CAMK4: variants seen among roughly 807,000 people sequenced by gnomAD.
CAMK4 encodes the protein calcium/calmodulin dependent protein kinase IV.
A neutral mutation model predicts 44.9 loss-of-function variants in CAMK4; 22 were observed. The observed-to-expected ratio is 0.49, with a 90% confidence interval of 0.35 to 0.70. The LOEUF (loss-of-function observed/expected upper bound fraction) is 0.70. CAMK4 is among the 30% of genes least tolerant of loss of function. The pLI, the probability that CAMK4 is intolerant of heterozygous loss-of-function variation, is 0.01. For synonymous variants in CAMK4, 218 were observed against 215.4 expected, an observed-to-expected ratio of 1.01 and a Z score of -0.11; for missense variants, 498 against 586.8, an observed-to-expected ratio of 0.85 and a Z score of 1.56.
At chr5:111,329,773 C>T (rs1749075561) in intron 1 of CAMK4, among the ~76,000 whole-genome samples, 1 of 151,618 alleles carries the variant, frequency 6.6e-6, no homozygotes, top group Non-Finnish European at 1.5e-5. Context: ...TGACAACATT[C>T]ACTGTCCATT....
intron 2 of CAMK4, among the ~76,000 whole-genome samples, chr5:111,354,728 T>G (rs1750262096): frequency 6.6e-6 from 1 of 151,968 alleles, no homozygotes; most frequent in Non-Finnish European, 1.5e-5. Flanking sequence ...AATTACAAAA[T>G]AAATAAGACT....
intron 5 of CAMK4, among the ~76,000 whole-genome samples, chr5:111,440,556 T>C (rs1173870435): frequency 1.3e-5 from 2 of 152,286 alleles, no homozygotes; most frequent in Non-Finnish European, 2.9e-5. Flanking sequence ...GACATAAATA[T>C]GACATATTCT....
intron 5 of CAMK4, among the ~76,000 whole-genome samples, chr5:111,400,961 G>A (rs1752201159): frequency 6.6e-6 from 1 of 152,098 alleles, no homozygotes; most frequent in Non-Finnish European, 1.5e-5. Flanking sequence ...ACTGACAGCT[G>A]AGTGTTTCTC....
intron 5 of CAMK4, among the ~76,000 whole-genome samples, chr5:111,433,484 G>T (rs1164726038): frequency 6.6e-6 from 1 of 152,180 alleles, no homozygotes; most frequent in Non-Finnish European, 1.5e-5. Context: ...GATAGAAGCT[G>T]TATTGACTAT....
intron 4 of CAMK4, among the ~76,000 whole-genome samples, chr5:111,382,570 G>T (rs558806380): frequency 6.6e-6 from 1 of 152,152 alleles, no homozygotes. Flanking sequence ...CTATTGGGTT[G>T]CTGGCAGAGT....
intron 5 of CAMK4, among the ~76,000 whole-genome samples, chr5:111,407,055 A>G (rs1752458806): frequency 6.6e-6 from 1 of 152,164 alleles, no homozygotes; most frequent in Admixed American, 6.6e-5. Flanking sequence ...TAGTGGCAGC[A>G]TGAAAGAAAA....
At chr5:111,428,029 G>A (rs1753294267) in intron 5 of CAMK4, among the ~76,000 whole-genome samples, 2 of 152,216 alleles carry the variant, frequency 1.3e-5, no homozygotes, top group African/African-American at 4.8e-5. Flanking sequence ...GATGTAGGTG[G>A]CTCAGAACAA....
chr5:111,446,590 G>T, intron 5 of CAMK4, 96 bp from the exon 6 acceptor site: 1 of 676,616 alleles, frequency 1.5e-6, no homozygotes, highest in South Asian at 2.0e-5. Flanking sequence ...GTGTGTTCTT[G>T]AATCACATAA....
At position 111,487,799 on chromosome 5, in the gene CAMK4, T is replaced by C. The variant is rs766671116; in HGVS notation, c.*3333T>C. 1 of 152,174 alleles carries C rather than the reference T, an allele frequency of 6.6e-6. No homozygotes were observed. The highest frequency in any genetic ancestry group is 1.5e-5 in the Non-Finnish European group (1 of 68,048). 9.4% of individuals were successfully genotyped at this position (152,174 alleles called of 1,614,324 possible). On this transcript the variant is annotated 3_prime_UTR_variant, in exon 11 of 11. Coordinates refer to ENST00000282356, the MANE Select transcript of CAMK4 (RefSeq NM_001744.6). Reference sequence around the variant, plus strand: ...TTAAGCAAAGTGACACTTGAAGTTCTATGCTTAGATTTAAGTGGCCTCAGT... The same window carrying C: ...TTAAGCAAAGTGACACTTGAAGTTCCATGCTTAGATTTAAGTGGCCTCAGT...
chr5:111,262,372 C>T (rs1031486285), intron 1 of CAMK4, among the ~76,000 whole-genome samples: 7 of 152,034 alleles, frequency 4.6e-5, no homozygotes, highest in African/African-American at 1.4e-4. Context: ...CTCCCACTCT[C>T]CTACAGAGGC....
intron 5 of CAMK4, among the ~76,000 whole-genome samples, chr5:111,427,461 T>C (rs1753268076): frequency 6.6e-6 from 1 of 152,144 alleles, no homozygotes. Flanking sequence ...CAGCTCTGAT[T>C]CCAGAACTTG....
chr5:111,493,579 C>T lies in CAMK4; in HGVS notation c.*9113C>T, dbSNP rs1026996621. 3.3e-5 allele frequency: 5 copies of T among 152,322 alleles called. No homozygotes were observed. Among genetic ancestry groups the T allele is most frequent in the African/African-American group, 1.2e-4 (5 of 41,576 alleles). 9.4% of individuals were successfully genotyped at this position (152,322 alleles called of 1,614,324 possible). ...TGAAAGTTTAGATTTTAAAAGACAA[C>T]CTGTAGGAAGCTAAGTCTCAGGCAA... On this transcript the variant is annotated 3_prime_UTR_variant, in exon 11 of 11. Coordinates refer to ENST00000282356, the MANE Select transcript of CAMK4 (RefSeq NM_001744.6). The surrounding 1 kb of genome is among the most constrained non-coding windows in gnomAD (Gnocchi z 4.1).
intron 4 of CAMK4, among the ~76,000 whole-genome samples, chr5:111,378,156 G>A (rs1462268548): frequency 6.6e-6 from 1 of 152,002 alleles, no homozygotes; most frequent in East Asian, 1.9e-4. Flanking sequence ...CGTTATAAAA[G>A]AGGCCCTAGA....
rs543495391 is a variant in CAMK4 at position 111,460,382 on chromosome 5, C to T, written c.625+11179C>T. Among the ~76,000 whole-genome samples, 93 of 151,032 alleles carry T rather than the reference C, an allele frequency of 6.2e-4. 1 individual carries two copies. Among genetic ancestry groups the T allele is most frequent in the South Asian group, 1.7e-3 (8 of 4,786 alleles). ...CACCTCCCAGGTTCAAGCAATTCTC[C>T]TGCCTCAGCCTCCTGAGTAGCTGGG... On this transcript the variant is annotated intron_variant, in intron 7 of 10. Transcript: ENST00000282356.
intron 5 of CAMK4, among the ~76,000 whole-genome samples, chr5:111,401,601 TA>T (rs1473986737): frequency 6.6e-6 from 1 of 152,122 alleles, no homozygotes; most frequent in Non-Finnish European, 1.5e-5. Context: ...TCCTTTTGAT[TA>T]AAAAAATTAA....
At chr5:111,400,066 A>C (rs1036406065) in intron 5 of CAMK4, among the ~76,000 whole-genome samples, 2 of 152,234 alleles carry the variant, frequency 1.3e-5, no homozygotes, top group Admixed American at 1.3e-4. Context: ...CTCTGACTCA[A>C]GTCTGCAAAG....
chr5:111,347,778 A>C (rs1344954787), intron 2 of CAMK4, among the ~76,000 whole-genome samples: 1 of 151,976 alleles, frequency 6.6e-6, no homozygotes, highest in African/African-American at 2.4e-5. Context: ...CAACAACACA[A>C]TTTCCAAATA....
chr5:111,437,537 A>G (rs1179359954), intron 5 of CAMK4, among the ~76,000 whole-genome samples: 1 of 152,230 alleles, frequency 6.6e-6, no homozygotes, highest in Non-Finnish European at 1.5e-5. Flanking sequence ...AGAAACATAC[A>G]TGCTGTAAAG....
In CAMK4 at chr5:111,269,368, T is replaced by G. The variant is rs559917387; in HGVS notation, c.161+44724T>G. On this transcript the variant is annotated intron_variant, in intron 1 of 10. Transcript: ENST00000282356. ...AAATGAATATTCAGTCTTTTATATG[T>G]CTCCCTTTCCCGTTCCTCTTCAAGT... 5.5e-4 allele frequency among the ~76,000 whole-genome samples: 84 copies of G among 152,266 alleles called. 2 individuals are homozygous for G. The highest frequency in any genetic ancestry group is 1.9e-3 in the African/African-American group (79 of 41,562).
Sources: gnomAD v4.1 joint callset for allele counts (sites outside exome capture counted in the v4.1 genomes callset) on GRCh38, gnomAD v4.1.1 for gene constraint, Gnocchi (gnomAD v3.1) non-coding constraint, MANE v1.5 for transcripts, NCBI Gene and HGNC (gene_info 2026-07-23, HGNC 2026-07-21) for gene names.